The following ACSBG2 variants were observed in gnomAD, a reference collection of about 807,000 sequenced individuals.
The protein encoded by ACSBG2 is acyl-CoA synthetase bubblegum family member 2.
ACSBG2 carries 62 observed loss-of-function variants against 74.7 expected under a neutral mutation model. That is an observed-to-expected ratio of 0.83 (90% CI 0.68 to 1.03). The LOEUF (loss-of-function observed/expected upper bound fraction) is 1.03. Ranked by LOEUF, ACSBG2 falls within the 50% of genes least tolerant of loss-of-function variation. The pLI is 0.00. For missense variants in ACSBG2, 730 were observed against 817.6 expected, an observed-to-expected ratio of 0.89 and a Z score of 1.31; for synonymous variants, 309 against 294.1, an observed-to-expected ratio of 1.05 and a Z score of -0.52.
chr19:6,140,895 A>C (rs1052152379), intron 1 of ACSBG2, among the ~76,000 whole-genome samples: 2 of 152,162 alleles, frequency 1.3e-5, no homozygotes, highest in African/African-American at 4.8e-5. Context: ...TCTTTTTAAA[A>C]GTCATTTTTC....
chr19:6,183,499 C>T (rs1337421275), intron 10 of ACSBG2, among the ~76,000 whole-genome samples: 2 of 152,194 alleles, frequency 1.3e-5, no homozygotes, highest in Non-Finnish European at 2.9e-5. Context: ...TCCATGGTCT[C>T]CCCGTTTGTC....
chr19:6,147,577 T>C lies in ACSBG2; in HGVS notation c.199T>C (p.Tyr67His). Residue 67 changes from tyrosine to histidine, a missense_variant, in exon 3 of 15, where the codon TAT (tyrosine) becomes CAT (histidine). By Grantham distance (83) the Tyr-to-His change is moderately conservative. Transcript: ENST00000588485. ...AGAGTCAGTCAACCGATTTGGAACT[T>C]ATCCAGCCCTCGCATCCAAGAATGG... ...FRESVNRFGTYPALASKNGKK... is the reference protein window; with the variant it reads ...FRESVNRFGTHPALASKNGKK... The C allele has an allele frequency of 6.2e-7, 1 of 1,614,180 alleles. No homozygotes were observed. Among genetic ancestry groups the C allele is most frequent in the African/African-American group, 1.3e-5 (1 of 75,056 alleles).
rs1262710371 is a variant in ACSBG2, at chr19:6,180,682, G to A, written c.907-2069G>A. On this transcript the variant is annotated intron_variant, in intron 8 of 14. Transcript: ENST00000588485. The surrounding 1 kb of genome is among the most constrained non-coding windows in gnomAD (Gnocchi z 4.3). ...TGAAGTACGTGCACCAGAAATGTGC[G>A]AAGGTTACAGTTTCTCTACATCTTC... 6.6e-6 allele frequency among the ~76,000 whole-genome samples: 1 copy of A among 152,150 alleles called. No homozygotes were observed. The highest frequency in any genetic ancestry group is 2.1e-4 in the South Asian group (1 of 4,828).
intron 14 of ACSBG2, 38 bp downstream of exon 14, chr19:6,190,730 T>A (rs977475562): frequency 3.6e-6 from 5 of 1,407,832 alleles, no homozygotes; most frequent in South Asian, 2.3e-5. Flanking sequence ...GGCTATGCAT[T>A]CAGAGTCCAA....
rs16993465 is a variant in ACSBG2, at chr19:6,192,842, T to C, written c.*210T>C. On this transcript the variant is annotated 3_prime_UTR_variant, in exon 15 of 15. Coordinates refer to ENST00000588485, the MANE Select transcript of ACSBG2 (RefSeq NM_030924.5). ...GTTTCAAAGCAATAAAATCACTGTA[T>C]ATCTTTCTAAGGACCTTCAAGTCAT... 6.6e-6 allele frequency: 1 copy of C among 152,184 alleles called. No individual in the cohort carries two copies. Among genetic ancestry groups the C allele is most frequent in the Admixed American group, 6.5e-5 (1 of 15,276 alleles). 9.4% of individuals were successfully genotyped at this position (152,184 alleles called of 1,614,324 possible).
chr19:6,176,480 G>T, intron 7 of ACSBG2: 2 of 1,201,344 alleles, frequency 1.7e-6, no homozygotes, highest in South Asian at 1.7e-5. Flanking sequence ...GCCTTATACT[G>T]ACTTATGAAA....
chr19:6,187,041 G>C (rs1346983482), intron 11 of ACSBG2, among the ~76,000 whole-genome samples: 1 of 125,048 alleles, frequency 8.0e-6, no homozygotes, highest in Admixed American at 9.2e-5. Context: ...TTTCACTCTT[G>C]TTGCCCAGGT....
intron 4 of ACSBG2, among the ~76,000 whole-genome samples, chr19:6,155,673 C>T (rs2089393490): frequency 6.6e-6 from 1 of 151,670 alleles, no homozygotes; most frequent in East Asian, 1.9e-4. Context: ...ACCTGTAATC[C>T]CAGCTACTCA....
intron 6 of ACSBG2, among the ~76,000 whole-genome samples, chr19:6,163,810 C>T: frequency 7.2e-6 from 1 of 139,058 alleles, no homozygotes; most frequent in East Asian, 2.0e-4. Flanking sequence ...AACAGCCAGG[C>T]GTGGTGGTGC....
chr19:6,162,440 G>A (rs1320204865), intron 6 of ACSBG2, among the ~76,000 whole-genome samples: 1 of 150,992 alleles, frequency 6.6e-6, no homozygotes, highest in East Asian at 1.9e-4. Context: ...GGTGGTGGGC[G>A]CCTGTAGTCC....
At chr19:6,154,895 C>A (rs965695229) in intron 4 of ACSBG2, among the ~76,000 whole-genome samples, 3 of 152,118 alleles carry the variant, frequency 2.0e-5, no homozygotes, top group Non-Finnish European at 2.9e-5. Flanking sequence ...GGCTCTGGTG[C>A]CACATCAGAC....
chr19:6,177,423 C>G (rs766420691), intron 8 of ACSBG2, 27 bp downstream of exon 8: 10 of 1,544,594 alleles, frequency 6.5e-6, no homozygotes, highest in Non-Finnish European at 8.7e-6. Context: ...ACCTGGGGCT[C>G]CGACTTCATC....
intron 5 of ACSBG2, among the ~76,000 whole-genome samples, 190 bp from the exon 6 acceptor site, chr19:6,161,025 G>A (rs1244751639): frequency 4.6e-5 from 7 of 151,720 alleles, no homozygotes; most frequent in African/African-American, 1.7e-4. Flanking sequence ...GCTTCAACCC[G>A]GGAGGCGGAG....
intron 3 of ACSBG2, among the ~76,000 whole-genome samples, chr19:6,149,376 A>C (rs1200884330): frequency 6.6e-6 from 1 of 152,148 alleles, no homozygotes; most frequent in East Asian, 1.9e-4. Context: ...TAAAAGAGCC[A>C]ACAACGTTGG....
chr19:6,181,607 T>G (rs1019246614), intron 8 of ACSBG2, among the ~76,000 whole-genome samples: 1 of 152,184 alleles, frequency 6.6e-6, no homozygotes, highest in African/African-American at 2.4e-5. Context: ...TGGTATCATA[T>G]CTAGGAAATC....
At chr19:6,176,495 A>G in intron 7 of ACSBG2, 1 of 948,746 alleles carries the variant, frequency 1.1e-6, no homozygotes. Context: ...ATGAAAAAAC[A>G]ACACACACAC....
intron 8 of ACSBG2, among the ~76,000 whole-genome samples, chr19:6,181,671 T>G (rs868537017): frequency 6.6e-6 from 1 of 152,290 alleles, no homozygotes; most frequent in Middle Eastern, 3.4e-3. Context: ...TCCAAAAGGT[T>G]TTTAGTTTGA....
At chr19:6,137,065 A>G (rs1475863821) in intron 1 of ACSBG2, among the ~76,000 whole-genome samples, 2 of 151,990 alleles carry the variant, frequency 1.3e-5, no homozygotes, top group Non-Finnish European at 2.9e-5. Flanking sequence ...TTCTTTTCAT[A>G]CTCCGGATAC....
intron 1 of ACSBG2, among the ~76,000 whole-genome samples, chr19:6,140,370 A>C (rs1475024125): frequency 6.6e-6 from 1 of 152,156 alleles, no homozygotes; most frequent in African/African-American, 2.4e-5. Flanking sequence ...CCTGTCCGCT[A>C]CTGATGGGTT....
Sources: allele counts gnomAD v4.1 joint callset (sites outside exome capture counted in the v4.1 genomes callset), GRCh38; gene constraint gnomAD v4.1.1; non-coding constraint Gnocchi (gnomAD v3.1); transcripts MANE v1.5; gene names NCBI Gene and HGNC (gene_info 2026-07-23, HGNC 2026-07-21).